Variants in CYP3A7 observed in about 807,000 individuals in gnomAD.
CYP3A7 encodes the protein cytochrome P450 family 3 subfamily A member 7.
Under a neutral mutation model 55.2 loss-of-function variants are expected in CYP3A7, and 45 were observed. The observed-to-expected ratio is 0.82, with a 90% confidence interval of 0.64 to 1.05. The LOEUF (loss-of-function observed/expected upper bound fraction) is 1.05. CYP3A7 is among the 50% of genes least tolerant of loss of function. CYP3A7 has a pLI of 0.00. For synonymous variants in CYP3A7, 180 were observed against 207.4 expected (o/e 0.87, Z 1.13); for missense variants, 548 against 605.3 (o/e 0.91, Z 0.99).
rs754250260 is a variant in CYP3A7, at chr7:99,714,729, C to T, written c.671-47G>A. On this transcript the variant is annotated intron_variant, in intron 7 of 12. Transcript: ENST00000336374. ...AGAAAACGAAACCATTGTGAACATA[C>T]AAAATTTACCTGGAGCAATTCTAAT... 1.0e-5 allele frequency: 16 copies of T among 1,595,698 alleles called. No homozygotes were observed. The South Asian group carries it at 1.8e-4, about 18-fold the overall frequency.
chr7:99,733,200 C>A lies in CYP3A7; in HGVS notation c.71+1823G>T, dbSNP rs1814693670. 3.3e-5 allele frequency among the ~76,000 whole-genome samples: 5 copies of A among 152,210 alleles called. 1 individual carries two copies. Among genetic ancestry groups the A allele is most frequent in the African/African-American group, 1.2e-4 (5 of 41,440 alleles). Reference sequence around the variant, plus strand: ...CTTTGTTGTCACAGCCATGGAAAATCAATGGCACTAATCTCTGCTTCTAAA... The same window carrying A: ...CTTTGTTGTCACAGCCATGGAAAATAAATGGCACTAATCTCTGCTTCTAAA... On this transcript the variant is annotated intron_variant, in intron 1 of 12. Transcript: ENST00000336374.
intron 3 of CYP3A7, among the ~76,000 whole-genome samples, chr7:99,721,170 A>C (rs1814185880): frequency 6.6e-6 from 1 of 152,214 alleles, no homozygotes; most frequent in Non-Finnish European, 1.5e-5. Context: ...ACAATGGTTT[A>C]AGAATATTCA....
intron 4 of CYP3A7, 127 bp downstream of exon 4, chr7:99,720,186 G>C: frequency 8.7e-7 from 1 of 1,146,776 alleles, no homozygotes; most frequent in Non-Finnish European, 1.3e-6. Context: ...TGGGGGATGG[G>C]CAGGATGAAG....
At chr7:99,727,723 C>A (rs1014254987) in intron 2 of CYP3A7, among the ~76,000 whole-genome samples, 3 of 152,174 alleles carry the variant, frequency 2.0e-5, no homozygotes, top group African/African-American at 2.4e-5. Context: ...GCTCTGCCCC[C>A]CTCCACTATC....
Position 99,705,137 on chromosome 7 carries a change from A to T in CYP3A7, c.*363T>A. 1 of 250,802 alleles carries T rather than the reference A, an allele frequency of 4.0e-6. No homozygotes were observed. The highest frequency in any genetic ancestry group is 5.0e-5 in the Admixed American group (1 of 19,822). The allele number at this position is 250,802 out of a possible 1,614,324, so 15.5% of individuals were successfully genotyped here. A position where few individuals can be genotyped will look rare whatever the true frequency, so the allele number is the denominator to read the frequency against. On this transcript the variant is annotated 3_prime_UTR_variant, in exon 13 of 13. Coordinates refer to ENST00000336374, the MANE Select transcript of CYP3A7 (RefSeq NM_000765.5). ...TATAAATGTCACTGTTAGAGCCATC[A>T]AAATAATTCCTATTTTTATTAATGA... is the stretch of plus-strand genomic sequence containing the variant.
In CYP3A7 at chr7:99,715,832, G is replaced by A. The variant is rs780566066; in HGVS notation, c.596C>T (p.Pro199Leu). 1 of 1,613,922 alleles carries A rather than the reference G, an allele frequency of 6.2e-7. No individual in the cohort carries two copies. Among genetic ancestry groups the A allele is most frequent in the Non-Finnish European group, 8.5e-7 (1 of 1,179,850 alleles). Reference protein sequence around the residue: ...FGVSIDSLNNPQDPFVENTKK... With the variant: ...FGVSIDSLNNLQDPFVENTKK... ...GGTGTTTTCCACAAAGGGGTCTTGTGGATTGTTGAGAGAGTCGATGCTCAC... is the reference window on the plus strand; with the variant it reads ...GGTGTTTTCCACAAAGGGGTCTTGTAGATTGTTGAGAGAGTCGATGCTCAC... The change falls in exon 7 of 13, where the codon CCA (proline) becomes CTA (leucine). Residue 199 changes from proline (P) to leucine (L), a missense_variant. Transcript: ENST00000336374.
chr7:99,715,270 C>A, intron 7 of CYP3A7: 1 of 178,066 alleles, frequency 5.6e-6, no homozygotes, highest in South Asian at 1.2e-4. Context: ...AACAAGTGCC[C>A]AGAGGGAAAT....
chr7:99,705,426 G>T lies in CYP3A7; in HGVS notation c.*74C>A, dbSNP rs370160306. ...CCGTCTTCATTTCAGGGTTCTATTT[G>T]TAAAGTAATTTGAGGTCTCTGGTGT... On this transcript the variant is annotated 3_prime_UTR_variant, in exon 13 of 13. Transcript: ENST00000336374. The T allele has an allele frequency of 3.3e-6, 5 of 1,517,624 alleles. No individual in the cohort carries two copies. In the East Asian group the frequency reaches 9.1e-5, roughly 28 times the overall value. 94.0% of individuals were successfully genotyped at this position (1,517,624 alleles called of 1,614,324 possible).
At chr7:99,720,842 T>G (rs1238636703) in intron 3 of CYP3A7, 2 of 185,236 alleles carry the variant, frequency 1.1e-5, no homozygotes, top group African/African-American at 4.7e-5. Context: ...TCACAAGGAC[T>G]AAATGTTTCA....
intron 2 of CYP3A7, among the ~76,000 whole-genome samples, chr7:99,728,499 G>A (rs534789177): frequency 6.6e-5 from 10 of 152,132 alleles, no homozygotes; most frequent in Non-Finnish European, 1.2e-4. Flanking sequence ...AAGAGTCTGG[G>A]TGCAAGACAC....
At chr7:99,723,160 T>G (rs1302473018) in intron 2 of CYP3A7, among the ~76,000 whole-genome samples, 1 of 152,168 alleles carries the variant, frequency 6.6e-6, no homozygotes, top group Non-Finnish European at 1.5e-5. Flanking sequence ...TTCAGGCCTC[T>G]TAGCCCAAGC....
rs772150935 is a variant in CYP3A7, at chr7:99,731,158, A to G, written c.72-6T>C. Reference sequence around the variant, plus strand: ...CATGTGTACGGGTTCCATATCTACAAAGTGAAACAAAAATCAGGTCTCAGG... The same window carrying G: ...CATGTGTACGGGTTCCATATCTACAGAGTGAAACAAAAATCAGGTCTCAGG... On this transcript the variant is annotated splice_polypyrimidine_tract_variant and splice_region_variant and intron_variant, in intron 1 of 12. Coordinates refer to ENST00000336374, the MANE Select transcript of CYP3A7 (RefSeq NM_000765.5). The G allele has an allele frequency of 1.2e-6, 2 of 1,613,756 alleles. No individual in the cohort carries two copies. The highest frequency in any genetic ancestry group is 3.3e-5 in the Admixed American group (2 of 60,010).
Position 99,715,551 on chromosome 7 carries a change from G to A in CYP3A7, c.670+207C>T. ...TATACGACAACAGGATTTCTGGCAG[G>A]GGGTTGATAGCTAAACATGTATGAG... On this transcript the variant is annotated intron_variant, in intron 7 of 12. Coordinates refer to ENST00000336374, the MANE Select transcript of CYP3A7 (RefSeq NM_000765.5). 4.8e-6 allele frequency: 4 copies of A among 825,982 alleles called. No individual in the cohort carries two copies. In the South Asian group the frequency reaches 5.3e-5, roughly 11 times the overall value. The allele number at this position is 825,982 out of a possible 1,614,324, so 51.2% of individuals were successfully genotyped here.
At chr7:99,714,832 T>G in intron 7 of CYP3A7, 150 bp from the exon 8 acceptor site, 2 of 1,373,146 alleles carry the variant, frequency 1.5e-6, no homozygotes, top group Non-Finnish European at 2.0e-6. Context: ...TTTGCCCCTC[T>G]TCCAGGCCAG....
Position 99,720,311 on chromosome 7 carries a change from A to G in CYP3A7, c.318+2T>C. ...TTTTAATTTCAAAAAATGGATGCTT[A>G]CCCTCCGGTTTGTGAAGACAGAATA... On this transcript the variant is annotated splice_donor_variant, in intron 4 of 12. Coordinates refer to ENST00000336374, the MANE Select transcript of CYP3A7 (RefSeq NM_000765.5). LOFTEE classifies it high-confidence loss of function. The G allele has an allele frequency of 6.2e-7, 1 of 1,612,490 alleles. No individual in the cohort carries two copies. The highest frequency in any genetic ancestry group is 8.5e-7 in the Non-Finnish European group (1 of 1,179,676).
Position 99,714,642 on chromosome 7 carries a change from A to G in CYP3A7, c.711T>C (p.Asn237=). The change falls in exon 8 of 13, where the codon AAT becomes AAC. Residue 237 remains asparagine (N), a synonymous_variant. Transcript: ENST00000336374. ...TAACTTTTCTTGGAAACACAGTGAT[A>G]TTTAATGCTTCAAGAATTGGGGTAA... is the stretch of plus-strand genomic sequence containing the variant. ...PFLTPILEAL[N]ITVFPRKVIS... is the part of the protein sequence containing the mutation. 1.2e-6 allele frequency: 2 copies of G among 1,612,710 alleles called. No individual in the cohort carries two copies. The highest frequency in any genetic ancestry group is 1.7e-6 in the Non-Finnish European group (2 of 1,179,260).
rs200663057 is a variant in CYP3A7 at position 99,713,507 on chromosome 7, A to T, written c.827T>A (p.Ile276Asn). The change falls in exon 9 of 13, where the codon ATT (isoleucine) becomes AAT (asparagine). Residue 276 changes from isoleucine (I) to asparagine (N), a missense_variant. Coordinates refer to ENST00000336374, the MANE Select transcript of CYP3A7 (RefSeq NM_000765.5). ...KHRVDFLQLM[I>N]DSQNSKDSET... ...AGAGTCTTTTGAATTCTGAGAGTCA[A>T]TCATCAGCTGAAGGAAATCCACTCG... 9.4e-5 allele frequency: 152 copies of T among 1,613,474 alleles called. No homozygotes were observed. The highest frequency in any genetic ancestry group is 8.3e-4 in the Middle Eastern group (5 of 6,054).
At chr7:99,705,684 T>C in intron 12 of CYP3A7, 89 bp from the exon 13 acceptor site, 1 of 1,491,300 alleles carries the variant, frequency 6.7e-7, no homozygotes, top group Non-Finnish European at 9.2e-7. Context: ...TTACTGACAA[T>C]AATGCTTTGT....
At chr7:99,730,147 A>G (rs1814560543) in intron 2 of CYP3A7, among the ~76,000 whole-genome samples, 1 of 152,196 alleles carries the variant, frequency 6.6e-6, no homozygotes, top group Admixed American at 6.5e-5. Flanking sequence ...CCCTGAACAC[A>G]GCATCAGATA....
Sources: allele counts gnomAD v4.1 joint callset (sites outside exome capture counted in the v4.1 genomes callset), GRCh38; gene constraint gnomAD v4.1.1; transcripts MANE v1.5; gene names NCBI Gene and HGNC (gene_info 2026-07-23, HGNC 2026-07-21).